Variants in IL1RAPL2 observed in about 807,000 individuals in gnomAD.
IL1RAPL2 encodes X-linked interleukin-1 receptor accessory protein-like 2.
Under a neutral mutation model 44.1 loss-of-function variants are expected in IL1RAPL2, and 3 were observed. The observed-to-expected ratio is 0.07, with a 90% CI of 0.03 to 0.18. The LOEUF (loss-of-function observed/expected upper bound fraction) is 0.18. Among genes scored for constraint, IL1RAPL2 ranks in the 10% least tolerant of loss-of-function variants. IL1RAPL2 has a pLI of 1.00. For synonymous variants in IL1RAPL2, 181 were observed against 178.8 expected, an observed-to-expected ratio of 1.01 and a Z score of -0.10; for missense variants, 391 against 496.4, an observed-to-expected ratio of 0.79 and a Z score of 2.02.
At chrX:105,056,178 A>G (rs1369417359) in intron 2 of IL1RAPL2, among the ~76,000 whole-genome samples, 1 of 111,842 alleles carries the variant, frequency 8.9e-6, no homozygotes, top group African/African-American at 3.2e-5. Context: ...TCATATTAAG[A>G]AGGCAAATAT....
At chrX:105,289,274 G>A (rs1020079608) in intron 5 of IL1RAPL2, among the ~76,000 whole-genome samples, 7 of 110,285 alleles carry the variant, frequency 6.3e-5, no homozygotes, top group Non-Finnish European at 9.5e-5. Flanking sequence ...GATCATGTAG[G>A]GCTATGCAGG....
Position 104,775,647 on chromosome X carries a change from A to G in IL1RAPL2, c.82+116652A>G, listed in dbSNP as rs191788246. On this transcript the variant is annotated intron_variant, in intron 2 of 10. Transcript: ENST00000372582. ...GTATTTAATGTCAATTGAAAAATGAAGATGAACCATCTCTGCAATTATAAT... is the reference window on the plus strand; with the variant it reads ...GTATTTAATGTCAATTGAAAAATGAGGATGAACCATCTCTGCAATTATAAT... Among the ~76,000 whole-genome samples the G allele has an allele frequency of 1.5e-3, 164 of 111,857 alleles. 2 individuals carry two copies. The highest frequency in any genetic ancestry group is 5.0e-3 in the African/African-American group (155 of 30,834).
chrX:105,029,481 T>C, intron 2 of IL1RAPL2, among the ~76,000 whole-genome samples: 1 of 95,576 alleles, frequency 1.0e-5, no homozygotes, highest in Non-Finnish European at 2.0e-5. Context: ...AATTCCCACC[T>C]ATGAGTGAGA....
chrX:104,663,466 G>C (rs1022276730), intron 2 of IL1RAPL2, among the ~76,000 whole-genome samples: 14 of 111,032 alleles, frequency 1.3e-4, no homozygotes, highest in Non-Finnish European at 5.7e-5. Context: ...TTCACACTGT[G>C]CTTTTAGCTG....
Position 105,276,487 on chromosome X carries a change from G to T in IL1RAPL2, c.697+8946G>T, listed in dbSNP as rs919485970. Reference sequence around the variant, plus strand: ...ATGTCCACAGTGTGAGGTGGACCAGGTGTGTGAAGCAACAACTGAAGGAAA... The same window carrying T: ...ATGTCCACAGTGTGAGGTGGACCAGTTGTGTGAAGCAACAACTGAAGGAAA... On this transcript the variant is annotated intron_variant, in intron 5 of 10. Coordinates refer to ENST00000372582, the MANE Select transcript of IL1RAPL2 (RefSeq NM_017416.2). 5.3e-5 allele frequency among the ~76,000 whole-genome samples: 6 copies of T among 112,466 alleles called. No individual in the cohort carries two copies. In the East Asian group the frequency reaches 1.1e-3, roughly 21 times the overall value.
intron 6 of IL1RAPL2, among the ~76,000 whole-genome samples, chrX:105,621,263 A>C (rs2037417020): frequency 1.8e-5 from 2 of 111,928 alleles, no homozygotes; most frequent in South Asian, 7.4e-4. Context: ...ATTTTGAAAG[A>C]GGCTTGTGTG....
intron 2 of IL1RAPL2, among the ~76,000 whole-genome samples, chrX:105,070,979 G>A (rs2032200078): frequency 9.0e-6 from 1 of 111,152 alleles, no homozygotes; most frequent in Non-Finnish European, 1.9e-5. Flanking sequence ...TAGCTACATG[G>A]GACAGCTGAG....
intron 1 of IL1RAPL2, among the ~76,000 whole-genome samples, chrX:104,590,587 T>C (rs7059845): frequency 0.16 from 18,093 of 111,011 alleles, 3,715 homozygotes; most frequent in African/African-American, 0.57. Context: ...TGCATGTGAC[T>C]TTCTTGTGTG....
intron 1 of IL1RAPL2, among the ~76,000 whole-genome samples, chrX:104,601,325 G>A (rs1340161713): frequency 9.3e-6 from 1 of 106,982 alleles, no homozygotes; most frequent in Non-Finnish European, 1.9e-5. Context: ...CCCTTCCTGT[G>A]TCCATGTGTT....
chrX:105,093,823 G>A (rs147776477), intron 2 of IL1RAPL2, among the ~76,000 whole-genome samples: 105 of 111,755 alleles, frequency 9.4e-4, no homozygotes, highest in African/African-American at 3.2e-3. Context: ...TAACTATGTG[G>A]CCATAGGAAA....
chrX:105,465,704 A>C (rs1391336956), intron 5 of IL1RAPL2, among the ~76,000 whole-genome samples: 1 of 111,880 alleles, frequency 8.9e-6, no homozygotes, highest in Non-Finnish European at 1.9e-5. Context: ...AGGACTAAGA[A>C]AATAATAATT....
chrX:104,675,003 G>A (rs1384455516), intron 2 of IL1RAPL2, among the ~76,000 whole-genome samples: 2 of 110,394 alleles, frequency 1.8e-5, no homozygotes, highest in Non-Finnish European at 3.8e-5. Context: ...TTCTTTATTA[G>A]TCTTGCTAGC....
chrX:105,673,351 T>G lies in IL1RAPL2; in HGVS notation c.773-44016T>G, dbSNP rs560668560. 1.5e-4 allele frequency among the ~76,000 whole-genome samples: 17 copies of G among 110,746 alleles called. 1 individual carries two copies. Among genetic ancestry groups the G allele is most frequent in the African/African-American group, 4.9e-4 (15 of 30,455 alleles). Reference sequence around the variant, plus strand: ...CCACTCGCTGACAGGCCCCAGTGTGTTGTTCCCCTCCCTGTGTCCATGTGT... The same window carrying G: ...CCACTCGCTGACAGGCCCCAGTGTGGTGTTCCCCTCCCTGTGTCCATGTGT... On this transcript the variant is annotated intron_variant, in intron 6 of 10. Coordinates refer to ENST00000372582, the MANE Select transcript of IL1RAPL2 (RefSeq NM_017416.2).
chrX:105,573,274 G>A (rs867575335), intron 6 of IL1RAPL2, among the ~76,000 whole-genome samples: 28 of 110,798 alleles, frequency 2.5e-4, no homozygotes, highest in African/African-American at 8.9e-4. Flanking sequence ...TCCTAGGCTG[G>A]TTTCAAATTC....
chrX:105,259,666 C>T (rs923729022), intron 4 of IL1RAPL2, among the ~76,000 whole-genome samples: 2 of 111,315 alleles, frequency 1.8e-5, no homozygotes, highest in African/African-American at 6.5e-5. Context: ...GGACTGGCCT[C>T]CTCTCCTTGG....
At chrX:105,489,785 CTT>C (rs1491332726) in intron 6 of IL1RAPL2, among the ~76,000 whole-genome samples, 11 of 52,407 alleles carry the variant, frequency 2.1e-4, no homozygotes, top group African/African-American at 4.7e-4. Context: ...TTCTTTCTCT[CTT>C]TCTCTCTCTC....
chrX:104,733,156 A>G (rs753094235), intron 2 of IL1RAPL2, among the ~76,000 whole-genome samples: 2 of 111,976 alleles, frequency 1.8e-5, no homozygotes, highest in Admixed American at 1.9e-4. Flanking sequence ...ACCAAAAACC[A>G]TTTGAGACAA....
At chrX:105,421,274 T>C (rs1219622888) in intron 5 of IL1RAPL2, among the ~76,000 whole-genome samples, 1 of 111,204 alleles carries the variant, frequency 9.0e-6, no homozygotes, top group African/African-American at 3.3e-5. Context: ...GAGTTTCTGA[T>C]TTTCCTCTCC....
At chrX:104,973,603 A>G (rs1185285095) in intron 2 of IL1RAPL2, among the ~76,000 whole-genome samples, 1 of 112,140 alleles carries the variant, frequency 8.9e-6, no homozygotes, top group Admixed American at 9.5e-5. Flanking sequence ...TAATTTCACA[A>G]ATTAATACCT....
Sources: allele counts gnomAD v4.1 joint callset (sites outside exome capture counted in the v4.1 genomes callset), GRCh38; gene constraint gnomAD v4.1.1; transcripts MANE v1.5; gene names NCBI Gene and HGNC (gene_info 2026-07-23, HGNC 2026-07-21).